The following SLC8A1 variants were observed in gnomAD, a reference collection of about 807,000 sequenced individuals.
SLC8A1 encodes the protein solute carrier family 8 member A1, also known as sodium/calcium exchanger 1.
A neutral mutation model predicts 68.3 loss-of-function variants in SLC8A1; 18 were observed. That is an observed-to-expected ratio of 0.26 (90% confidence interval 0.18 to 0.39). The LOEUF (loss-of-function observed/expected upper bound fraction) is 0.39, where lower values mean the gene tolerates loss of function less well. SLC8A1 is among the 10% of genes least tolerant of loss of function. The pLI, the probability that SLC8A1 is intolerant of heterozygous loss-of-function variation, is 1.00. For missense variants in SLC8A1, 985 were observed against 1,156.7 expected, an observed-to-expected ratio of 0.85 and a Z score of 2.15; for synonymous variants, 475 against 415.5, an observed-to-expected ratio of 1.14 and a Z score of -1.74.
At chr2:40,381,313 C>A (rs974164935) in intron 2 of SLC8A1, among the ~76,000 whole-genome samples, 1 of 151,988 alleles carries the variant, frequency 6.6e-6, no homozygotes, top group East Asian at 1.9e-4. Flanking sequence ...CTGAAATTAA[C>A]TTTTCCATTT....
intron 6 of SLC8A1, among the ~76,000 whole-genome samples, chr2:40,154,770 T>C (rs2044151414): frequency 6.6e-6 from 1 of 152,102 alleles, no homozygotes; most frequent in African/African-American, 2.4e-5. Flanking sequence ...GCTCAGGTGA[T>C]CCTACTGCCT....
chr2:40,465,945 T>C (rs1703644242), intron 1 of SLC8A1, among the ~76,000 whole-genome samples: 1 of 152,160 alleles, frequency 6.6e-6, no homozygotes, highest in Non-Finnish European at 1.5e-5. Flanking sequence ...CCTTCTGCCA[T>C]GTGAGGACAC....
At chr2:40,415,858 A>G (rs1198258872) in intron 2 of SLC8A1, among the ~76,000 whole-genome samples, 1 of 112,600 alleles carries the variant, frequency 8.9e-6, no homozygotes, top group Non-Finnish European at 1.7e-5. Flanking sequence ...TACTAAAAGT[A>G]TACACACACA....
At chr2:40,322,932 T>C (rs989870473) in intron 2 of SLC8A1, among the ~76,000 whole-genome samples, 1 of 152,060 alleles carries the variant, frequency 6.6e-6, no homozygotes, top group Non-Finnish European at 1.5e-5. Flanking sequence ...TATTTAAAGA[T>C]AAATAGAGAC....
At chr2:40,105,345 C>G (rs1233293421) in exon 8 of SLC8A1, 1 of 152,082 alleles carries the variant, frequency 6.6e-6, no homozygotes, top group Non-Finnish European at 1.5e-5. Flanking sequence ...TTAAAGGGAC[C>G]CAGACCCATT....
At chr2:40,228,214 T>G (rs2059225555) in intron 2 of SLC8A1, among the ~76,000 whole-genome samples, 1 of 152,186 alleles carries the variant, frequency 6.6e-6, no homozygotes, top group Non-Finnish European at 1.5e-5. Flanking sequence ...TTACCCAAGC[T>G]TTGACATCAT....
intron 1 of SLC8A1, among the ~76,000 whole-genome samples, chr2:40,467,477 C>G (rs375205852): frequency 7.2e-5 from 11 of 152,226 alleles, no homozygotes; most frequent in South Asian, 6.2e-4. Context: ...TTTATTCACT[C>G]CTCTAAATTA....
exon 8 of SLC8A1, chr2:40,112,487 G>A (rs562581113): frequency 6.6e-6 from 1 of 152,426 alleles, no homozygotes; most frequent in African/African-American, 2.4e-5. Flanking sequence ...AATTGAAATC[G>A]ACCAATGCAA....
chr2:40,106,104 TGTTTAAA>T (rs1477675548), exon 8 of SLC8A1: 3 of 152,246 alleles, frequency 2.0e-5, no homozygotes, highest in East Asian at 3.9e-4. Flanking sequence ...CTTTGCTTTG[TGTTTAAA>T]GTTTAAACAT....
chr2:40,191,200 T>C (rs995442623), intron 2 of SLC8A1, among the ~76,000 whole-genome samples: 1 of 152,194 alleles, frequency 6.6e-6, no homozygotes, highest in Admixed American at 6.6e-5. Flanking sequence ...CCTCCTGTTT[T>C]CTGCTTTCTG....
chr2:40,392,034 A>C lies in SLC8A1; in HGVS notation c.1808+36439T>G, dbSNP rs561292915. Reference sequence around the variant, plus strand: ...AAAATGCTGGTTGCCTTCTCTTAAAAAAACAAACAAACAAACAAAATAAGA... The same window carrying C: ...AAAATGCTGGTTGCCTTCTCTTAAACAAACAAACAAACAAACAAAATAAGA... On this transcript the variant is annotated intron_variant, in intron 2 of 7. Transcript: ENST00000406785. 2.0e-5 allele frequency among the ~76,000 whole-genome samples: 3 copies of C among 148,018 alleles called. No homozygotes were observed. The South Asian group carries it at 6.4e-4, about 31-fold the overall frequency.
At chr2:40,474,373 A>C (rs1401606779) in intron 1 of SLC8A1, among the ~76,000 whole-genome samples, 1 of 152,142 alleles carries the variant, frequency 6.6e-6, no homozygotes, top group African/African-American at 2.4e-5. Context: ...AAAGAAGTTT[A>C]CTCTTGGACA....
At chr2:40,399,421 A>T (rs1477898542) in intron 2 of SLC8A1, among the ~76,000 whole-genome samples, 1 of 152,154 alleles carries the variant, frequency 6.6e-6, no homozygotes. Context: ...TGGCCACTGC[A>T]ACCTTGCTGC....
intron 2 of SLC8A1, among the ~76,000 whole-genome samples, chr2:40,368,518 G>A (rs77800679): frequency 0.015 from 2,320 of 151,942 alleles, 58 homozygotes; most frequent in African/African-American, 0.053. Context: ...CAAGAATTGG[G>A]ATTTACTGAT....
At chr2:40,323,674 A>G (rs1265724103) in intron 2 of SLC8A1, among the ~76,000 whole-genome samples, 1 of 152,142 alleles carries the variant, frequency 6.6e-6, no homozygotes, top group South Asian at 2.1e-4. Context: ...ATCTGTCCCA[A>G]TGCCCAGTTC....
intron 2 of SLC8A1, among the ~76,000 whole-genome samples, chr2:40,253,078 G>A (rs972228861): frequency 1.2e-4 from 12 of 96,692 alleles, no homozygotes; most frequent in Non-Finnish European, 2.1e-4. Context: ...CTATATATGT[G>A]TATAAATGTA....
chr2:40,428,649 T>A, exon 2 of SLC8A1: 1 of 1,613,772 alleles, frequency 6.2e-7, no homozygotes, highest in South Asian at 1.1e-5. Flanking sequence ...GAGTCACAGG[T>A]TCCTCAAAAG....
At chr2:40,352,701 A>C (rs1251832588) in intron 2 of SLC8A1, among the ~76,000 whole-genome samples, 1 of 152,208 alleles carries the variant, frequency 6.6e-6, no homozygotes, top group African/African-American at 2.4e-5. Flanking sequence ...GCCTCTTTTG[A>C]AAAGTATTAC....
chr2:40,454,725 C>G (rs541404270), upstream of SLC8A1, among the ~76,000 whole-genome samples: 32 of 152,134 alleles, frequency 2.1e-4, no homozygotes, highest in Non-Finnish European at 2.1e-4. Context: ...TTTCATTTCT[C>G]TTTAAAGGCA....
Sources: gnomAD v4.1 joint callset for allele counts (sites outside exome capture counted in the v4.1 genomes callset) on GRCh38, gnomAD v4.1.1 for gene constraint, MANE v1.5 for transcripts, NCBI Gene and HGNC (gene_info 2026-07-23, HGNC 2026-07-21) for gene names.